The following CDK14 variants were observed in gnomAD, a reference collection of about 807,000 sequenced individuals.
CDK14 encodes the protein cyclin dependent kinase 14, also known as cyclin-dependent kinase 14.
A neutral mutation model predicts 60.7 loss-of-function variants in CDK14; 34 were observed. The observed-to-expected ratio is 0.56, with a 90% confidence interval of 0.43 to 0.75. The LOEUF (loss-of-function observed/expected upper bound fraction) is 0.75. Ranked by LOEUF, CDK14 falls within the 30% of genes least tolerant of loss-of-function variation. The pLI is 0.00. For synonymous variants in CDK14, 197 were observed against 203.7 expected (o/e 0.97, Z 0.28); for missense variants, 482 against 564.1 (o/e 0.85, Z 1.47).
chr7:90,951,219 T>C (rs1794252077), intron 8 of CDK14, among the ~76,000 whole-genome samples: 1 of 152,164 alleles, frequency 6.6e-6, no homozygotes, highest in African/African-American at 2.4e-5. Context: ...AAGGAACCTT[T>C]CTCCTAGAAA....
At chr7:90,764,070 G>A (rs1169775144) in intron 4 of CDK14, among the ~76,000 whole-genome samples, 1 of 152,156 alleles carries the variant, frequency 6.6e-6, no homozygotes, top group Non-Finnish European at 1.5e-5. Context: ...GGATCCAACT[G>A]AGTATTTAGA....
chr7:90,743,652 T>C (rs138154107), intron 3 of CDK14, among the ~76,000 whole-genome samples: 7 of 152,314 alleles, frequency 4.6e-5, no homozygotes, highest in Non-Finnish European at 8.8e-5. Flanking sequence ...GTTTGATACA[T>C]TTCAAAACTA....
intron 4 of CDK14, among the ~76,000 whole-genome samples, chr7:90,758,308 G>C (rs1237593042): frequency 1.3e-5 from 2 of 151,884 alleles, no homozygotes; most frequent in South Asian, 2.1e-4. Context: ...ATGTTTAGAT[G>C]GGGGGTGGCA....
chr7:91,006,898 A>G (rs759933383), intron 10 of CDK14, among the ~76,000 whole-genome samples: 34 of 152,202 alleles, frequency 2.2e-4, no homozygotes, highest in Non-Finnish European at 4.4e-4. Context: ...GATCCATTCT[A>G]TGGCTGTTAC....
At chr7:90,608,533 T>C in intron 2 of CDK14, 4 of 984,798 alleles carry the variant, frequency 4.1e-6, no homozygotes, top group South Asian at 9.4e-5. Flanking sequence ...TTTTTAGCTT[T>C]GATGATTGCC....
chr7:90,710,638 C>G (rs1802026641), intron 2 of CDK14: 1 of 769,908 alleles, frequency 1.3e-6, no homozygotes. Context: ...ATTCTTCGTG[C>G]AGTTCTGCGT....
intron 14 of CDK14, among the ~76,000 whole-genome samples, chr7:91,143,182 A>G (rs967601218): frequency 6.6e-6 from 1 of 152,196 alleles, no homozygotes; most frequent in African/African-American, 2.4e-5. Context: ...GGCACCTAAA[A>G]CCACAGAACA....
At chr7:90,739,671 A>C (rs1803266783) in intron 3 of CDK14, among the ~76,000 whole-genome samples, 1 of 152,162 alleles carries the variant, frequency 6.6e-6, no homozygotes, top group African/African-American at 2.4e-5. Flanking sequence ...AATAAGAATA[A>C]AAAGGTAATT....
At chr7:90,622,140 T>A (rs976493048) in intron 2 of CDK14, among the ~76,000 whole-genome samples, 1 of 152,252 alleles carries the variant, frequency 6.6e-6, no homozygotes, top group Non-Finnish European at 1.5e-5. Context: ...GCAAATGGAT[T>A]TTCCTGCTTA....
intron 8 of CDK14, among the ~76,000 whole-genome samples, chr7:90,940,093 A>G (rs1213771124): frequency 6.6e-6 from 1 of 152,114 alleles, no homozygotes; most frequent in Non-Finnish European, 1.5e-5. Context: ...TCTGTAGGTA[A>G]CATGTGCACC....
At chr7:90,745,705 T>C (rs1351171757) in intron 3 of CDK14, among the ~76,000 whole-genome samples, 2 of 152,232 alleles carry the variant, frequency 1.3e-5, no homozygotes, top group African/African-American at 4.8e-5. Flanking sequence ...TGAGCCACCG[T>C]GCTCAGCCTA....
At chr7:90,640,845 A>G (rs1289514421) in intron 2 of CDK14, among the ~76,000 whole-genome samples, 4 of 152,124 alleles carry the variant, frequency 2.6e-5, no homozygotes, top group Admixed American at 6.5e-5. Context: ...TACAAATCAC[A>G]TACCTGATAA....
chr7:91,061,375 C>T (rs1310213388), intron 11 of CDK14, among the ~76,000 whole-genome samples: 2 of 152,134 alleles, frequency 1.3e-5, no homozygotes, highest in Non-Finnish European at 2.9e-5. Flanking sequence ...GTAGTTTGAT[C>T]GTCTGAAGCC....
intron 2 of CDK14, among the ~76,000 whole-genome samples, chr7:90,649,458 T>C (rs909735263): frequency 4.1e-5 from 6 of 145,780 alleles, no homozygotes; most frequent in African/African-American, 1.3e-4. Context: ...TTTCCTTCTT[T>C]ATTTCTCTTT....
intron 5 of CDK14, among the ~76,000 whole-genome samples, chr7:90,800,773 G>A (rs1788605525): frequency 6.6e-6 from 1 of 152,200 alleles, no homozygotes; most frequent in African/African-American, 2.4e-5. Flanking sequence ...CTTTTGTAGT[G>A]CTGGAGAGTA....
At chr7:90,650,167 G>A (rs1800599678) in intron 2 of CDK14, among the ~76,000 whole-genome samples, 1 of 152,184 alleles carries the variant, frequency 6.6e-6, no homozygotes, top group South Asian at 2.1e-4. Flanking sequence ...GGCGTGAGAT[G>A]GTATCTCATT....
Position 90,863,174 on chromosome 7 carries a change from G to A in CDK14, c.545-1G>A, listed in dbSNP as rs1305639489. 1 of 1,570,022 alleles carries A rather than the reference G, an allele frequency of 6.4e-7. No homozygotes were observed. Among genetic ancestry groups the A allele is most frequent in the Non-Finnish European group, 8.7e-7 (1 of 1,145,950 alleles). ...GTTTCTCTGTCCATTTTGTTTTACA[G>A]CTTCTCTTTTAAAAGGACTAAAACA... is the stretch of plus-strand genomic sequence containing the variant. On this transcript the variant is annotated splice_acceptor_variant, in intron 5 of 14. Coordinates refer to ENST00000380050, the MANE Select transcript of CDK14 (RefSeq NM_001287135.2). LOFTEE classifies it high-confidence loss of function.
At chr7:90,719,169 C>T (rs1802357156) in intron 2 of CDK14, among the ~76,000 whole-genome samples, 1 of 152,060 alleles carries the variant, frequency 6.6e-6, no homozygotes, top group Non-Finnish European at 1.5e-5. Context: ...TTGCATTGGA[C>T]CTGTGATGGA....
At chr7:91,110,666 G>A (rs1320366524) in intron 12 of CDK14, among the ~76,000 whole-genome samples, 1 of 152,048 alleles carries the variant, frequency 6.6e-6, no homozygotes, top group African/African-American at 2.4e-5. Context: ...TACAGTTTGG[G>A]CGATTAATAA....
Sources: allele counts gnomAD v4.1 joint callset (sites outside exome capture counted in the v4.1 genomes callset), GRCh38; gene constraint gnomAD v4.1.1; transcripts MANE v1.5; gene names NCBI Gene and HGNC (gene_info 2026-07-23, HGNC 2026-07-21).